C21orf91: variants seen among roughly 807,000 people sequenced by gnomAD.
C21orf91 encodes the protein protein EURL homolog.
C21orf91 carries 26 observed loss-of-function variants against 32.9 expected under a neutral mutation model. The observed-to-expected ratio is 0.79, with a 90% confidence interval of 0.58 to 1.10. The LOEUF is 1.10. Among genes scored for constraint, C21orf91 ranks in the 50% least tolerant of loss-of-function variants. The probability of loss-of-function intolerance (pLI) is 0.00; values close to 1 mark genes in which losing one functional copy is unlikely to be tolerated. For synonymous variants in C21orf91, 126 were observed against 120.4 expected (o/e 1.05, Z -0.31); for missense variants, 310 against 341.3 (o/e 0.91, Z 0.72).
chr21:17,808,428 G>C (rs961149154), intron 2 of C21orf91, among the ~76,000 whole-genome samples: 1 of 152,224 alleles, frequency 6.6e-6, no homozygotes, highest in Non-Finnish European at 1.5e-5. Context: ...CATCTACTAA[G>C]GCAGTGCAGA....
Position 17,796,566 on chromosome 21 carries a change from TCCC to T in C21orf91, c.664+13_664+15del. ...CCAAACCACCCAACTTTTACTTTTC[TCCC>T]CATTTTACTTACATTCCTCTCTGCT... On this transcript the variant is annotated intron_variant, in intron 3 of 4. Transcript: ENST00000284881. 1.3e-6 allele frequency: 2 copies of T among 1,585,790 alleles called. No homozygotes were observed.
chr21:17,811,992 T>C (rs1279623214), intron 2 of C21orf91, among the ~76,000 whole-genome samples: 1 of 152,028 alleles, frequency 6.6e-6, no homozygotes, highest in African/African-American at 2.4e-5. Flanking sequence ...ATGTGTGATC[T>C]AAATTTTAAA....
intron 2 of C21orf91, chr21:17,810,833 T>A (rs1375537303): frequency 1.3e-5 from 2 of 152,204 alleles, no homozygotes; most frequent in Non-Finnish European, 2.9e-5. Flanking sequence ...CCAATAAAAA[T>A]TTCTCAAAAC....
intron 4 of C21orf91, 109 bp from the exon 5 acceptor site, chr21:17,793,690 G>T: frequency 1.5e-6 from 1 of 687,610 alleles, no homozygotes; most frequent in Non-Finnish European, 2.5e-6. Context: ...GTGTCACAAT[G>T]AAACTGATTT....
intron 2 of C21orf91, among the ~76,000 whole-genome samples, chr21:17,808,790 G>T (rs1200297160): frequency 4.6e-5 from 7 of 152,192 alleles, no homozygotes; most frequent in Non-Finnish European, 8.8e-5. Flanking sequence ...AGGAGGACAT[G>T]AGATTTGGGA....
intron 2 of C21orf91, chr21:17,813,950 CTTATT>C (rs1208095718): frequency 2.0e-5 from 3 of 151,960 alleles, no homozygotes; most frequent in African/African-American, 7.3e-5. Flanking sequence ...TAGTGAAACC[CTTATT>C]TTAATAAAAT....
intron 2 of C21orf91, among the ~76,000 whole-genome samples, chr21:17,814,528 G>A (rs530170051): frequency 5.9e-5 from 9 of 152,266 alleles, no homozygotes; most frequent in Admixed American, 2.0e-4. Flanking sequence ...TCACAATTCC[G>A]CAGGCTGTAC....
Position 17,796,586 on chromosome 21 carries a change from C to T in C21orf91, c.660G>A (p.Glu220=). 6.2e-7 allele frequency: 1 copy of T among 1,600,978 alleles called. No homozygotes were observed. Among genetic ancestry groups the T allele is most frequent in the South Asian group, 1.1e-5 (1 of 89,762 alleles). Residue 220 remains glutamate, a synonymous_variant, in exon 3 of 5, where the codon GAG becomes GAA. Coordinates refer to ENST00000284881, the MANE Select transcript of C21orf91 (RefSeq NM_001100420.2). ...VQTQHPHYSR[E]ELNSMTLGEV... ...TTTTCTCCCCATTTTACTTACATTC[C>T]TCTCTGCTGTAATGTGGATGCTGGG...
chr21:17,817,473 GCC>G (rs1172399891), intron 2 of C21orf91, among the ~76,000 whole-genome samples: 1 of 151,924 alleles, frequency 6.6e-6, no homozygotes, highest in Non-Finnish European at 1.5e-5. Context: ...CAAATTACAG[GCC>G]AAATTTTTTT....
chr21:17,801,094 T>C (rs969042276), intron 2 of C21orf91, among the ~76,000 whole-genome samples: 4 of 152,068 alleles, frequency 2.6e-5, no homozygotes, highest in African/African-American at 4.8e-5. Context: ...TAAAGACACA[T>C]GCATATGTAT....
rs147060578 is a variant in C21orf91, at chr21:17,806,200, A to G, written c.128-9082T>C. Among the ~76,000 whole-genome samples, 124 of 152,310 alleles carry G rather than the reference A, an allele frequency of 8.1e-4. 2 individuals carry two copies. In the East Asian group the frequency reaches 0.021, roughly 25 times the overall value. On this transcript the variant is annotated intron_variant, in intron 2 of 4. Coordinates refer to ENST00000284881, the MANE Select transcript of C21orf91 (RefSeq NM_001100420.2). ...AAAGTGATCTATGTTCTTACAAACAAGACATCAGACTTTGAAAATTACCAT... is the reference window on the plus strand; with the variant it reads ...AAAGTGATCTATGTTCTTACAAACAGGACATCAGACTTTGAAAATTACCAT...
chr21:17,817,225 G>A (rs2062669643), intron 2 of C21orf91, among the ~76,000 whole-genome samples: 1 of 152,030 alleles, frequency 6.6e-6, no homozygotes, highest in Non-Finnish European at 1.5e-5. Flanking sequence ...CATACTGTTT[G>A]GTGACCATAA....
Position 17,790,219 on chromosome 21 carries a change from A to G in C21orf91, c.*3196T>C, listed in dbSNP as rs1391550122. 2.0e-5 allele frequency: 3 copies of G among 152,110 alleles called. No individual in the cohort carries two copies. The highest frequency in any genetic ancestry group is 4.4e-5 in the Non-Finnish European group (3 of 67,958). The allele number at this position is 152,110 out of a possible 1,614,324, so 9.4% of individuals were successfully genotyped here. A position where few individuals can be genotyped will look rare whatever the true frequency, so the allele number is the denominator to read the frequency against. ...TCCTACTTTAGAGCATTTACATTTT[A>G]TAATTTAATAATGAAAGCAGATTCT... On this transcript the variant is annotated 3_prime_UTR_variant, in exon 5 of 5. Transcript: ENST00000284881.
intron 2 of C21orf91, among the ~76,000 whole-genome samples, chr21:17,803,381 CA>C (rs1305014687): frequency 1.3e-5 from 2 of 152,106 alleles, no homozygotes; most frequent in African/African-American, 4.8e-5. Flanking sequence ...ATTAGCCCAG[CA>C]TGGTGCATGC....
At chr21:17,800,811 T>A (rs919838480) in intron 2 of C21orf91, among the ~76,000 whole-genome samples, 3 of 152,240 alleles carry the variant, frequency 2.0e-5, no homozygotes, top group South Asian at 2.1e-4. Context: ...CACTTTTTTT[T>A]AAATCATAAA....
rs1320472241 is a variant in C21orf91, at chr21:17,793,517, G to C, written c.792C>G (p.Val264=). 1.2e-5 allele frequency: 19 copies of C among 1,613,486 alleles called. No homozygotes were observed. The highest frequency in any genetic ancestry group is 1.4e-5 in the Non-Finnish European group (16 of 1,179,592). The part of the protein sequence containing the change: ...EKDSLASQLH[V]RHVAIEQLLK... ...GAAGCTGTTCGATGGCAACGTGGCG[G>C]ACATGGAGCTGTGAGGCCAAAGAAT... Residue 264 remains valine, a synonymous_variant, in exon 5 of 5, where the codon GTC becomes GTG. Transcript: ENST00000284881.
At chr21:17,810,819 C>G (rs920506738) in intron 2 of C21orf91, 1 of 152,128 alleles carries the variant, frequency 6.6e-6, no homozygotes, top group Non-Finnish European at 1.5e-5. Flanking sequence ...TGATTAACAC[C>G]AATCCAATAA....
chr21:17,814,780 C>A (rs1366344426), intron 2 of C21orf91, among the ~76,000 whole-genome samples: 2 of 152,152 alleles, frequency 1.3e-5, no homozygotes, highest in Non-Finnish European at 2.9e-5. Flanking sequence ...GATCCGATCA[C>A]CTAATACCAG....
At chr21:17,794,731 T>C (rs2062505189) in intron 4 of C21orf91, among the ~76,000 whole-genome samples, 1 of 152,174 alleles carries the variant, frequency 6.6e-6, no homozygotes, top group Admixed American at 6.5e-5. Context: ...GGGTAGTCAA[T>C]AAAATGTTAG....
Sources: allele counts gnomAD v4.1 joint callset (sites outside exome capture counted in the v4.1 genomes callset), GRCh38; gene constraint gnomAD v4.1.1; transcripts MANE v1.5; gene names NCBI Gene and HGNC (gene_info 2026-07-23, HGNC 2026-07-21).